The following SAMD5 variants were observed in gnomAD, a reference collection of about 807,000 sequenced individuals.
The protein encoded by SAMD5 is sterile alpha motif domain containing 5.
Under a neutral mutation model 11.3 loss-of-function variants are expected in SAMD5, and 13 were observed. The ratio of observed to expected loss-of-function variants is 1.15; its 90% CI spans 0.75 to 1.83. The LOEUF (loss-of-function observed/expected upper bound fraction) is 1.83, where lower values mean the gene tolerates loss of function less well. Ranked by LOEUF, SAMD5 falls within the 40% of genes most tolerant of loss-of-function variation. The probability of loss-of-function intolerance (pLI) is 0.00; values close to 1 mark genes in which losing one functional copy is unlikely to be tolerated. For missense variants in SAMD5, 255 were observed against 239.1 expected (o/e 1.07, Z -0.44); for synonymous variants, 129 against 111.3 (o/e 1.16, Z -1.00).
chr6:147,566,285 AT>A lies in SAMD5; in HGVS notation c.*1830del. ...AGGATTATATTCCAGTTAACCTTTC[AT>A]CTTTTTTTTTTTTCCAAATGAACTA... On this transcript the variant is annotated 3_prime_UTR_variant, in exon 2 of 2. Coordinates refer to ENST00000367474, the MANE Select transcript of SAMD5 (RefSeq NM_001030060.3). The A allele has an allele frequency of 1.0e-6, 1 of 971,954 alleles. No homozygotes were observed. Among genetic ancestry groups the A allele is most frequent in the East Asian group, 1.1e-4 (1 of 8,726 alleles). 60.2% of individuals were successfully genotyped at this position (971,954 alleles called of 1,614,324 possible).
chr6:147,600,504 T>C (rs1290495835), intron 1 of SAMD5, among the ~76,000 whole-genome samples: 3 of 152,206 alleles, frequency 2.0e-5, no homozygotes, highest in African/African-American at 7.2e-5. Context: ...TGGAGCCTCC[T>C]CCCACCCTCC....
chr6:147,612,215 T>A (rs758334156), intron 1 of SAMD5, among the ~76,000 whole-genome samples: 7 of 152,158 alleles, frequency 4.6e-5, no homozygotes, highest in African/African-American at 7.2e-5. Flanking sequence ...GGTTTCCATA[T>A]GGTGACACAT....
intron 1 of SAMD5, among the ~76,000 whole-genome samples, chr6:147,536,095 C>T (rs1315887858): frequency 6.6e-6 from 1 of 151,990 alleles, no homozygotes; most frequent in Admixed American, 6.6e-5. Context: ...GCCATTCTCC[C>T]GCCTCAGCCT....
intron 1 of SAMD5, among the ~76,000 whole-genome samples, chr6:147,706,991 GTAAA>G (rs1261308227): frequency 1.3e-5 from 2 of 152,180 alleles, no homozygotes; most frequent in African/African-American, 2.4e-5. Flanking sequence ...AACTTACGGT[GTAAA>G]TACAGACTAA....
intron 1 of SAMD5, among the ~76,000 whole-genome samples, chr6:147,562,582 G>T (rs1365356673): frequency 2.6e-5 from 4 of 152,200 alleles, no homozygotes. Context: ...CAGCACTTTG[G>T]GAGGCTGAGG....
chr6:147,845,777 A>G, the SAMD5 span, among the ~76,000 whole-genome samples: 3 of 152,224 alleles, frequency 2.0e-5, no homozygotes, highest in Non-Finnish European at 4.4e-5. Context: ...TACATTGTTG[A>G]TAGGAAGAAA....
Position 147,711,005 on chromosome 6 carries a change from TAAAGG to T in SAMD5, c.163-26309_163-26305del, listed in dbSNP as rs1791390295. ...GGAGGAGGGAGGGAGGGAAGGAAAA[TAAAGG>T]AAGGAAGGAAATAAGGAAGGAGGGA... On this transcript the variant is annotated intron_variant, in intron 1 of 1. Coordinates refer to the SAMD5 transcript ENST00000566741. The surrounding 1 kb of genome is among the most constrained non-coding windows in gnomAD (Gnocchi z 4.1). 9.3e-6 allele frequency among the ~76,000 whole-genome samples: 1 copy of T among 107,274 alleles called. No individual in the cohort carries two copies. The highest frequency in any genetic ancestry group is 3.6e-5 in the African/African-American group (1 of 27,442). 70.4% of individuals were successfully genotyped at this position (107,274 alleles called of 152,430 possible). A position where few individuals can be genotyped will look rare whatever the true frequency, so the allele number is the denominator to read the frequency against.
the SAMD5 span, among the ~76,000 whole-genome samples, chr6:147,909,207 A>T: frequency 6.6e-6 from 1 of 152,170 alleles, no homozygotes; most frequent in South Asian, 2.1e-4. Context: ...TGCAACAACA[A>T]CAAAAAAACT....
the SAMD5 span, among the ~76,000 whole-genome samples, chr6:147,854,004 C>T: frequency 6.6e-6 from 1 of 151,976 alleles, no homozygotes; most frequent in Admixed American, 6.6e-5. Context: ...TATTATGCAC[C>T]ACACATTATT....
At chr6:147,941,791 A>G in the SAMD5 span, among the ~76,000 whole-genome samples, 3 of 152,300 alleles carry the variant, frequency 2.0e-5, no homozygotes, top group East Asian at 5.8e-4. Flanking sequence ...TGACAAAATC[A>G]TAGTACTTTG....
At chr6:147,710,009 A>T (rs2128458424) in intron 1 of SAMD5, among the ~76,000 whole-genome samples, 1 of 152,354 alleles carries the variant, frequency 6.6e-6, no homozygotes, top group Admixed American at 6.5e-5. Context: ...CTTTACGATC[A>T]GGCCTCTGTC....
At chr6:147,727,790 G>A (rs189520364) in intron 1 of SAMD5, among the ~76,000 whole-genome samples, 240 of 152,130 alleles carry the variant, frequency 1.6e-3, no homozygotes, top group African/African-American at 5.5e-3. Context: ...GTGCCTAAAA[G>A]CATCAGACAG....
chr6:147,610,534 A>T (rs2128449074), intron 1 of SAMD5, among the ~76,000 whole-genome samples: 1 of 152,336 alleles, frequency 6.6e-6, no homozygotes, highest in Non-Finnish European at 1.5e-5. Flanking sequence ...GTTTATCATT[A>T]CCAGTAGTTT....
chr6:147,924,581 T>G, the SAMD5 span, among the ~76,000 whole-genome samples: 1 of 152,126 alleles, frequency 6.6e-6, no homozygotes, highest in East Asian at 1.9e-4. Context: ...TAGCTTATTT[T>G]TTCTAGCATT....
At chr6:147,827,686 A>C in the SAMD5 span, among the ~76,000 whole-genome samples, 1 of 152,214 alleles carries the variant, frequency 6.6e-6, no homozygotes, top group East Asian at 1.9e-4. Context: ...CTTTCATATT[A>C]TGAGCCCTCT....
chr6:147,699,328 C>T (rs1791220581), intron 1 of SAMD5, among the ~76,000 whole-genome samples: 1 of 152,196 alleles, frequency 6.6e-6, no homozygotes, highest in Non-Finnish European at 1.5e-5. Flanking sequence ...TTTAAGAAGA[C>T]ACTGCCTTCT....
chr6:147,720,332 G>C (rs1273981451), intron 1 of SAMD5, among the ~76,000 whole-genome samples: 1 of 152,126 alleles, frequency 6.6e-6, no homozygotes, highest in Non-Finnish European at 1.5e-5. Context: ...GCGCGATGGC[G>C]GGCTCCTGTA....
the SAMD5 span, among the ~76,000 whole-genome samples, chr6:147,816,279 TCC>T: frequency 7.3e-5 from 1 of 13,622 alleles, no homozygotes; most frequent in Non-Finnish European, 1.1e-4. Flanking sequence ...AAACTCCGTC[TCC>T]AAAAAAAAAA....
chr6:147,715,059 T>C (rs904882820), intron 1 of SAMD5, among the ~76,000 whole-genome samples: 1 of 152,106 alleles, frequency 6.6e-6, no homozygotes, highest in South Asian at 2.1e-4. Context: ...CAGGAAAGGG[T>C]AGAGTTTTAC....
Sources: gnomAD v4.1 joint callset for allele counts (sites outside exome capture counted in the v4.1 genomes callset) on GRCh38, gnomAD v4.1.1 for gene constraint, Gnocchi (gnomAD v3.1) non-coding constraint, MANE v1.5 for transcripts, NCBI Gene and HGNC (gene_info 2026-07-23, HGNC 2026-07-21) for gene names.